The following RSAD1 variants were observed in gnomAD, a reference collection of about 807,000 sequenced individuals.
RSAD1 encodes radical S-adenosyl methionine domain containing 1, also known as radical S-adenosyl methionine domain-containing protein 1, mitochondrial.
RSAD1 carries 34 observed loss-of-function variants against 46.2 expected under a neutral mutation model. The observed-to-expected ratio is 0.74, with a 90% confidence interval of 0.56 to 0.98. The LOEUF (loss-of-function observed/expected upper bound fraction) is 0.98, where lower values mean the gene tolerates loss of function less well. RSAD1 is among the 50% of genes least tolerant of loss of function. The probability of loss-of-function intolerance (pLI) is 0.00; values close to 1 mark genes in which losing one functional copy is unlikely to be tolerated. For synonymous variants in RSAD1, 260 were observed against 253.5 expected (o/e 1.03, Z -0.24); for missense variants, 635 against 592.3 (o/e 1.07, Z -0.75).
intron 3 of RSAD1, among the ~76,000 whole-genome samples, chr17:50,481,555 T>G (rs536153433): frequency 7.2e-4 from 109 of 152,360 alleles, no homozygotes; most frequent in African/African-American, 2.5e-3. Flanking sequence ...ATTTCCACCA[T>G]TGTAGAAAGT....
rs568055480 is a variant in RSAD1 at position 50,483,836 on chromosome 17, C to G, written c.1107+76C>G. ...TCAATGCCCCCTCCCTGCCACCCCC[C>G]CCACACACATATACCTCCAATTTCT... On this transcript the variant is annotated intron_variant, in intron 7 of 8. Transcript: ENST00000258955. The G allele has an allele frequency of 7.2e-6, 10 of 1,380,776 alleles. No homozygotes were observed. The Admixed American group carries it at 1.8e-4, about 24-fold the overall frequency. The allele number at this position is 1,380,776 out of a possible 1,614,324, so 85.5% of individuals were successfully genotyped here. A position where few individuals can be genotyped will look rare whatever the true frequency, so the allele number is the denominator to read the frequency against.
chr17:50,484,386 A>C (rs2033423723), intron 7 of RSAD1, 56 bp from the exon 8 acceptor site: 10 of 1,509,816 alleles, frequency 6.6e-6, no homozygotes, highest in Admixed American at 1.7e-5. Context: ...TACCCCAACT[A>C]TGTGGCCCAG....
In RSAD1 at chr17:50,484,563, G is replaced by T. The variant is rs373612144; in HGVS notation, c.1211+18G>T. Reference sequence around the variant, plus strand: ...GATCACAGGTGTGTTGGGGGGTGCCGGGCAGAGGGGGCTGAGGCATACCAG... The same window carrying T: ...GATCACAGGTGTGTTGGGGGGTGCCTGGCAGAGGGGGCTGAGGCATACCAG... On this transcript the variant is annotated intron_variant, in intron 8 of 8. Transcript: ENST00000258955. 9.3e-6 allele frequency: 15 copies of T among 1,608,428 alleles called. No homozygotes were observed. Among genetic ancestry groups the T allele is most frequent in the Non-Finnish European group, 1.3e-5 (15 of 1,176,842 alleles).
chr17:50,483,562 A>C, intron 6 of RSAD1, 75 bp downstream of exon 6: 1 of 1,590,462 alleles, frequency 6.3e-7, no homozygotes, highest in South Asian at 1.1e-5. Context: ...TATATCTTTT[A>C]TTTCCTGTCT....
intron 8 of RSAD1, 70 bp from the exon 9 acceptor site, chr17:50,484,674 G>C (rs1290593412): frequency 4.6e-6 from 7 of 1,532,366 alleles, no homozygotes; most frequent in Non-Finnish European, 6.3e-6. Context: ...CTGGGAGCTC[G>C]GCCCTGCTGG....
In RSAD1 at chr17:50,479,704, A is replaced by G; in HGVS notation, c.211A>G (p.Met71Val). 1.2e-6 allele frequency: 2 copies of G among 1,613,944 alleles called. No homozygotes were observed. Among genetic ancestry groups the G allele is most frequent in the Non-Finnish European group, 8.5e-7 (1 of 1,179,928 alleles). Residue 71 changes from methionine to valine, a missense_variant, in exon 2 of 9, where the codon ATG becomes GTG. Physicochemically the swap from Met to Val is conservative, Grantham distance 21. Coordinates refer to ENST00000258955, the MANE Select transcript of RSAD1 (RefSeq NM_018346.3). ...CCCTCGCCGCCTGGAGGAGGCTGCC[A>G]TGCAGAAGTGTCTGGTGACCGAAGC... Reference protein sequence around the residue: ...YIPRRLEEAAMQKCLVTEAQT... With the variant: ...YIPRRLEEAAVQKCLVTEAQT...
Position 50,480,358 on chromosome 17 carries a change from A to T in RSAD1, c.474+274A>T, listed in dbSNP as rs903743104. 4 of 479,028 alleles carry T rather than the reference A, an allele frequency of 8.4e-6. No individual in the cohort carries two copies. The Admixed American group carries it at 1.4e-4, about 16-fold the overall frequency. 29.7% of individuals were successfully genotyped at this position (479,028 alleles called of 1,614,324 possible). ...TAGGTGGTCAAAAAAGATTTGCTAC[A>T]TGACACGGGAGACGCAGACATGTAG... On this transcript the variant is annotated intron_variant, in intron 3 of 8. Coordinates refer to ENST00000258955, the MANE Select transcript of RSAD1 (RefSeq NM_018346.3).
Position 50,485,489 on chromosome 17 carries a change from C to G in RSAD1, c.*628C>G, listed in dbSNP as rs2033441937. On this transcript the variant is annotated 3_prime_UTR_variant, in exon 9 of 9. Coordinates refer to ENST00000258955, the MANE Select transcript of RSAD1 (RefSeq NM_018346.3). ...TCAGAAGATGCTACAAAACCTCATG[C>G]CTACTGTCTGCCACTGCTGGAGAAG... 1.3e-5 allele frequency: 2 copies of G among 152,302 alleles called. No homozygotes were observed. Among genetic ancestry groups the G allele is most frequent in the Admixed American group, 6.5e-5 (1 of 15,306 alleles). The allele number at this position is 152,302 out of a possible 1,614,324, so 9.4% of individuals were successfully genotyped here. A position where few individuals can be genotyped will look rare whatever the true frequency, so the allele number is the denominator to read the frequency against.
rs2033342501 is a variant in RSAD1 at position 50,478,884 on chromosome 17, C to T, written c.-1C>T. On this transcript the variant is annotated 5_prime_UTR_variant, in exon 1 of 9. Transcript: ENST00000258955. ...CAGTGCGCCGCGCTGCGCTGGGCGC[C>T]ATGGCGCTCCCCGGAGCCCGGGCTC... 2 of 1,297,716 alleles carry T rather than the reference C, an allele frequency of 1.5e-6. No individual in the cohort carries two copies. Among genetic ancestry groups the T allele is most frequent in the Non-Finnish European group, 9.7e-7 (1 of 1,029,026 alleles). 80.4% of individuals were successfully genotyped at this position (1,297,716 alleles called of 1,614,324 possible).
intron 7 of RSAD1, 109 bp downstream of exon 7, chr17:50,483,869 T>A: frequency 8.9e-7 from 1 of 1,119,466 alleles, no homozygotes; most frequent in Non-Finnish European, 1.3e-6. Context: ...TCTGTGAGAT[T>A]GGCAGCTAGA....
chr17:50,479,179 G>A (rs2033348009), intron 1 of RSAD1, 160 bp downstream of exon 1: 2 of 788,106 alleles, frequency 2.5e-6, no homozygotes, highest in South Asian at 8.5e-5. Flanking sequence ...TGCTTTGGCA[G>A]GGAAATGACT....
Position 50,482,314 on chromosome 17 carries a change from G to A in RSAD1, c.698G>A (p.Gly233Asp), listed in dbSNP as rs764938383. 7 of 1,611,494 alleles carry A rather than the reference G, an allele frequency of 4.3e-6. No individual in the cohort carries two copies. In the Admixed American group the frequency reaches 1.2e-4, roughly 27 times the overall value. Residue 233 changes from glycine (G) to aspartate (D), a missense_variant, in exon 4 of 9, where the codon GGC (glycine) becomes GAC (aspartate). Transcript: ENST00000258955. ...LSLYQLSLER[G>D]TALFAQVQRG... is the part of the protein sequence containing the mutation. ...CTCTACCAGCTGTCCCTGGAGCGGG[G>A]CACCGCACTCTTCGCCCAGGTGCAG... is the stretch of plus-strand genomic sequence containing the variant.
In RSAD1 at chr17:50,482,700, G is replaced by C; in HGVS notation, c.898G>C (p.Gly300Arg). ...GCAGTGTGGTCAGTACCTTGGCGTTGGGCCTGGTGAGTCCCGTGAACTACA... is the reference window on the plus strand; with the variant it reads ...GCAGTGTGGTCAGTACCTTGGCGTTCGGCCTGGTGAGTCCCGTGAACTACA... ...YWQCGQYLGVGPGAHGRFMPQ... is the reference protein window; with the variant it reads ...YWQCGQYLGVRPGAHGRFMPQ... The change falls in exon 5 of 9, where the codon GGG becomes CGG. Residue 300 changes from glycine to arginine, a missense_variant. Transcript: ENST00000258955. 1.2e-6 allele frequency: 2 copies of C among 1,614,070 alleles called. No homozygotes were observed. The highest frequency in any genetic ancestry group is 1.7e-6 in the Non-Finnish European group (2 of 1,179,980).
In RSAD1 at chr17:50,483,413, T is replaced by C. The variant is rs1210758901; in HGVS notation, c.978T>C (p.Pro326=). Residue 326 remains proline, a synonymous_variant, in exon 6 of 9, where the codon CCT becomes CCC. Transcript: ENST00000258955. ...AGGCTCGGATCCAGACACTGGAGCC[T>C]GACAACTGGATGAAGGAGGTGATGC... ...TREARIQTLE[P]DNWMKEVMLF... The C allele has an allele frequency of 1.2e-6, 2 of 1,613,838 alleles. No homozygotes were observed. The highest frequency in any genetic ancestry group is 1.7e-5 in the Admixed American group (1 of 59,980).
chr17:50,483,839 A>G lies in RSAD1; in HGVS notation c.1107+79A>G, dbSNP rs1392604052. On this transcript the variant is annotated intron_variant, in intron 7 of 8. Coordinates refer to ENST00000258955, the MANE Select transcript of RSAD1 (RefSeq NM_018346.3). ...ATGCCCCCTCCCTGCCACCCCCCCC[A>G]CACACATATACCTCCAATTTCTGTG... The G allele has an allele frequency of 3.2e-6, 4 of 1,239,928 alleles. No individual in the cohort carries two copies. In the Admixed American group the frequency reaches 7.6e-5, roughly 24 times the overall value. 76.8% of individuals were successfully genotyped at this position (1,239,928 alleles called of 1,614,324 possible).
chr17:50,484,048 T>A, intron 7 of RSAD1: 1 of 494,246 alleles, frequency 2.0e-6, no homozygotes, highest in East Asian at 3.5e-5. Context: ...CTGAGCTCTG[T>A]GAAGCAATAG....
chr17:50,480,365 G>A (rs936370303), intron 3 of RSAD1: 5 of 459,286 alleles, frequency 1.1e-5, no homozygotes, highest in Admixed American at 7.0e-5. Context: ...TACATGACAC[G>A]GGAGACGCAG....
At chr17:50,481,852 T>C (rs1206523957) in intron 3 of RSAD1, among the ~76,000 whole-genome samples, 1 of 152,206 alleles carries the variant, frequency 6.6e-6, no homozygotes, top group East Asian at 1.9e-4. Flanking sequence ...TTCTCATCTG[T>C]AAAATAGAAC....
At chr17:50,481,038 ATAAT>A (rs1205541296) in intron 3 of RSAD1, among the ~76,000 whole-genome samples, 2 of 152,194 alleles carry the variant, frequency 1.3e-5, no homozygotes, top group Non-Finnish European at 2.9e-5. Flanking sequence ...ATTCATTTAA[ATAAT>A]TATAATTCGT....
Sources: gnomAD v4.1 joint callset for allele counts (sites outside exome capture counted in the v4.1 genomes callset) on GRCh38, gnomAD v4.1.1 for gene constraint, MANE v1.5 for transcripts, NCBI Gene and HGNC (gene_info 2026-07-23, HGNC 2026-07-21) for gene names.